The following RALGPS2 variants were observed in gnomAD, a reference collection of about 807,000 sequenced individuals.
RALGPS2 encodes Ral GEF with PH domain and SH3 binding motif 2.
RALGPS2 carries 43 observed loss-of-function variants against 86.8 expected under a neutral mutation model. The ratio of observed to expected loss-of-function variants is 0.50; its 90% CI spans 0.39 to 0.64. RALGPS2 has a LOEUF of 0.64. Among genes scored for constraint, RALGPS2 ranks in the 30% least tolerant of loss-of-function variants. The probability of loss-of-function intolerance (pLI) is 0.00; values close to 1 mark genes in which losing one functional copy is unlikely to be tolerated. For synonymous variants in RALGPS2, 243 were observed against 231.3 expected (o/e 1.05, Z -0.46); for missense variants, 536 against 694.6 (o/e 0.77, Z 2.57).
At chr1:178,784,744 C>T (rs1162155454) in intron 3 of RALGPS2, among the ~76,000 whole-genome samples, 1 of 151,930 alleles carries the variant, frequency 6.6e-6, no homozygotes, top group Non-Finnish European at 1.5e-5. Context: ...AGTTACACTT[C>T]AATTTGGTAA....
At chr1:178,740,867 C>T (rs1650983565) in intron 1 of RALGPS2, among the ~76,000 whole-genome samples, 1 of 152,154 alleles carries the variant, frequency 6.6e-6, no homozygotes, top group Admixed American at 6.5e-5. Flanking sequence ...CCCCTGCAAC[C>T]TTGGGCAAAT....
chr1:178,901,226 C>G (rs1660163360), intron 17 of RALGPS2, among the ~76,000 whole-genome samples: 1 of 152,032 alleles, frequency 6.6e-6, no homozygotes, highest in Admixed American at 6.6e-5. Context: ...CCTGTATACT[C>G]TCCACCCAGT....
intron 19 of RALGPS2, among the ~76,000 whole-genome samples, chr1:178,912,751 G>A (rs1044120351): frequency 6.6e-6 from 1 of 152,074 alleles, no homozygotes; most frequent in Non-Finnish European, 1.5e-5. Flanking sequence ...AATTTTTGTG[G>A]ATCGTATCCT....
In RALGPS2 at chr1:178,919,547, G is replaced by A. The variant is rs1660917502; in HGVS notation, c.*3188G>A. 3 of 151,984 alleles carry A rather than the reference G, an allele frequency of 2.0e-5. No individual in the cohort carries two copies. The highest frequency in any genetic ancestry group is 2.1e-4 in the South Asian group (1 of 4,828). The allele number at this position is 151,984 out of a possible 1,614,324, so 9.4% of individuals were successfully genotyped here. A position where few individuals can be genotyped will look rare whatever the true frequency, so the allele number is the denominator to read the frequency against. ...TTACAGACTCTAGCTTTCCTTATTA[G>A]CTTAAACTGGGGCCCTCAAAGAGCA... On this transcript the variant is annotated 3_prime_UTR_variant, in exon 20 of 20. Transcript: ENST00000367635.
intron 1 of RALGPS2, among the ~76,000 whole-genome samples, chr1:178,731,329 C>T (rs944211526): frequency 8.4e-6 from 1 of 118,970 alleles, no homozygotes; most frequent in African/African-American, 3.3e-5. Flanking sequence ...GTCCCCCAGG[C>T]TGGAGAGCAG....
chr1:178,856,337 C>T (rs886396633), intron 8 of RALGPS2, among the ~76,000 whole-genome samples: 2 of 146,574 alleles, frequency 1.4e-5, no homozygotes, highest in Non-Finnish European at 3.0e-5. Context: ...AAGTGATCCT[C>T]CCACCTCAGC....
chr1:178,906,759 A>G lies in RALGPS2; in HGVS notation c.1631-17A>G. ...CTTACATTTTTAATATTTCCCCCTT[A>G]TTTTGGATAATTTTAGGAAATTCGT... On this transcript the variant is annotated splice_polypyrimidine_tract_variant and intron_variant, in intron 18 of 19. Coordinates refer to ENST00000367635, the MANE Select transcript of RALGPS2 (RefSeq NM_152663.5). 6.3e-7 allele frequency: 1 copy of G among 1,592,564 alleles called. No homozygotes were observed. The highest frequency in any genetic ancestry group is 8.6e-7 in the Non-Finnish European group (1 of 1,163,832).
In RALGPS2 at chr1:178,877,650, G is replaced by C. The variant is rs549403666; in HGVS notation, c.745+15G>C. ...TTGTGAATATGGTAAGTTTCTAGGGGATAATGCCAAGCCATTAAGATTGCT... is the reference window on the plus strand; with the variant it reads ...TTGTGAATATGGTAAGTTTCTAGGGCATAATGCCAAGCCATTAAGATTGCT... On this transcript the variant is annotated intron_variant, in intron 9 of 19. Transcript: ENST00000367635. 1.2e-6 allele frequency: 2 copies of C among 1,611,716 alleles called. No homozygotes were observed. Among genetic ancestry groups the C allele is most frequent in the South Asian group, 2.2e-5 (2 of 90,912 alleles).
chr1:178,871,556 A>C (rs1266567863), intron 8 of RALGPS2, among the ~76,000 whole-genome samples: 1 of 152,174 alleles, frequency 6.6e-6, no homozygotes, highest in African/African-American at 2.4e-5. Flanking sequence ...AACTTACAAG[A>C]AACTTGATGT....
At chr1:178,855,054 A>G (rs1017957591) in intron 8 of RALGPS2, among the ~76,000 whole-genome samples, 6 of 152,276 alleles carry the variant, frequency 3.9e-5, no homozygotes, top group Middle Eastern at 3.4e-3. Flanking sequence ...ATATTTTACT[A>G]GAAATATGTG....
intron 8 of RALGPS2, among the ~76,000 whole-genome samples, chr1:178,833,895 T>G (rs527418621): frequency 8.5e-5 from 13 of 152,308 alleles, no homozygotes; most frequent in Non-Finnish European, 1.9e-4. Context: ...ATCAAAGTCC[T>G]TATATAGTGA....
chr1:178,806,521 A>G (rs1654755672), intron 4 of RALGPS2, among the ~76,000 whole-genome samples: 1 of 151,854 alleles, frequency 6.6e-6, no homozygotes, highest in South Asian at 2.1e-4. Flanking sequence ...ACAACATTTT[A>G]CTCCTATCAT....
chr1:178,863,204 C>G (rs548046297), intron 8 of RALGPS2, among the ~76,000 whole-genome samples: 4 of 152,032 alleles, frequency 2.6e-5, no homozygotes, highest in Admixed American at 6.5e-5. Context: ...ACACAAGAGA[C>G]CAAAAAGGGG....
intron 2 of RALGPS2, among the ~76,000 whole-genome samples, chr1:178,778,810 C>T (rs574137885): frequency 1.1e-4 from 16 of 151,584 alleles, no homozygotes; most frequent in East Asian, 2.0e-4. Context: ...AACCAAACAC[C>T]GCATATTCTC....
intron 17 of RALGPS2, among the ~76,000 whole-genome samples, chr1:178,900,575 A>C (rs1034701768): frequency 6.6e-6 from 1 of 152,014 alleles, no homozygotes; most frequent in African/African-American, 2.4e-5. Context: ...GAACAAGTGC[A>C]CAAAGATTAT....
chr1:178,789,000 G>A (rs982928575), intron 4 of RALGPS2, among the ~76,000 whole-genome samples: 28 of 151,232 alleles, frequency 1.9e-4, no homozygotes, highest in Admixed American at 3.3e-4. Flanking sequence ...TCCGCCTCCC[G>A]GGTTCAAGTG....
intron 1 of RALGPS2, among the ~76,000 whole-genome samples, chr1:178,745,245 T>A (rs1248307051): frequency 5.9e-5 from 9 of 151,708 alleles, no homozygotes. Context: ...TTTTTGGCGG[T>A]GGGGTGGGGG....
chr1:178,785,965 G>A (rs923326777), intron 4 of RALGPS2, among the ~76,000 whole-genome samples: 2 of 152,026 alleles, frequency 1.3e-5, no homozygotes, highest in Admixed American at 6.6e-5. Flanking sequence ...CACATATTTT[G>A]TATGTTATAT....
At chr1:178,890,090 A>C (rs1052547976) in intron 14 of RALGPS2, among the ~76,000 whole-genome samples, 4 of 151,996 alleles carry the variant, frequency 2.6e-5, no homozygotes, top group Non-Finnish European at 5.9e-5. Flanking sequence ...CAAGGACAAA[A>C]TGATTTAATA....
Sources: gnomAD v4.1 joint callset for allele counts (sites outside exome capture counted in the v4.1 genomes callset) on GRCh38, gnomAD v4.1.1 for gene constraint, MANE v1.5 for transcripts, NCBI Gene and HGNC (gene_info 2026-07-23, HGNC 2026-07-21) for gene names.